The following SPAG16 variants were observed in gnomAD, a reference collection of about 807,000 sequenced individuals.
The protein encoded by SPAG16 is sperm-associated antigen 16 protein.
SPAG16 carries 86 observed loss-of-function variants against 80.4 expected under a neutral mutation model. The observed-to-expected ratio is 1.07, with a 90% confidence interval of 0.90 to 1.28. The LOEUF (loss-of-function observed/expected upper bound fraction) is 1.28. Ranked by LOEUF, SPAG16 falls within the 50% of genes most tolerant of loss-of-function variation. The pLI, the probability that SPAG16 is intolerant of heterozygous loss-of-function variation, is 0.00. For missense variants in SPAG16, 870 were observed against 765.3 expected (o/e 1.14, Z -1.61); for synonymous variants, 294 against 265.9 (o/e 1.11, Z -1.03).
intron 11 of SPAG16, among the ~76,000 whole-genome samples, chr2:213,889,712 C>A (rs2076711506): frequency 7.4e-6 from 1 of 135,176 alleles, no homozygotes; most frequent in African/African-American, 2.6e-5. Flanking sequence ...CATATATATA[C>A]ATATGCATAT....
At chr2:213,524,356 G>A (rs1019677532) in intron 10 of SPAG16, among the ~76,000 whole-genome samples, 2 of 152,208 alleles carry the variant, frequency 1.3e-5, no homozygotes, top group Admixed American at 6.5e-5. Context: ...GAGCCCTCAT[G>A]TAGAACCTCT....
chr2:213,939,919 T>G (rs2079130292), intron 12 of SPAG16, among the ~76,000 whole-genome samples: 2 of 152,148 alleles, frequency 1.3e-5, no homozygotes, highest in South Asian at 4.1e-4. Context: ...GCAGACAAAT[T>G]CAGAGGGATC....
chr2:213,768,347 T>A (rs534762944), intron 10 of SPAG16, among the ~76,000 whole-genome samples: 13 of 152,282 alleles, frequency 8.5e-5, no homozygotes, highest in African/African-American at 2.6e-4. Flanking sequence ...AATGAGCCTT[T>A]CTAACACCAG....
chr2:213,343,632 G>A (rs1464499120), intron 6 of SPAG16, among the ~76,000 whole-genome samples: 2 of 151,956 alleles, frequency 1.3e-5, no homozygotes, highest in African/African-American at 2.4e-5. Context: ...AGAAAATGGT[G>A]ACTGTAAGGA....
chr2:214,127,369 C>T (rs1028376119), intron 14 of SPAG16, among the ~76,000 whole-genome samples: 20 of 151,708 alleles, frequency 1.3e-4, no homozygotes, highest in Non-Finnish European at 2.5e-4. Context: ...TATGCAAAAA[C>T]TACTCCAACA....
At chr2:213,374,599 T>C (rs1032604353) in intron 8 of SPAG16, among the ~76,000 whole-genome samples, 1 of 151,694 alleles carries the variant, frequency 6.6e-6, no homozygotes, top group African/African-American at 2.4e-5. Flanking sequence ...TAGTGAAGCA[T>C]AGACAATAAT....
chr2:214,045,533 C>A (rs2049269271), intron 13 of SPAG16, among the ~76,000 whole-genome samples: 1 of 152,192 alleles, frequency 6.6e-6, no homozygotes, highest in Admixed American at 6.6e-5. Flanking sequence ...GGGACTTTGT[C>A]TTTCACCTTA....
At chr2:214,229,251 T>C (rs569183349) in intron 15 of SPAG16, among the ~76,000 whole-genome samples, 1 of 151,772 alleles carries the variant, frequency 6.6e-6, no homozygotes, top group South Asian at 2.1e-4. Flanking sequence ...CTTCTGGCTC[T>C]AAGATTAAAG....
chr2:213,925,467 T>C (rs2106225742), intron 11 of SPAG16, among the ~76,000 whole-genome samples: 1 of 152,138 alleles, frequency 6.6e-6, no homozygotes, highest in East Asian at 1.9e-4. Context: ...TTCTCCTGCC[T>C]CAGCCTTCCA....
At chr2:214,054,346 C>G (rs1429200108) in intron 13 of SPAG16, among the ~76,000 whole-genome samples, 2 of 152,164 alleles carry the variant, frequency 1.3e-5, no homozygotes, top group African/African-American at 2.4e-5. Flanking sequence ...AACCCTATAT[C>G]TCCTTATGGC....
chr2:213,610,771 A>T (rs975121048), intron 10 of SPAG16, among the ~76,000 whole-genome samples: 4 of 152,188 alleles, frequency 2.6e-5, no homozygotes, highest in Non-Finnish European at 4.4e-5. Context: ...TATATATAGG[A>T]TTAAAAAAAG....
chr2:213,518,327 G>A (rs2075524512), intron 10 of SPAG16, among the ~76,000 whole-genome samples: 1 of 152,186 alleles, frequency 6.6e-6, no homozygotes, highest in Non-Finnish European at 1.5e-5. Flanking sequence ...AGTGCAGGTA[G>A]CATGATCATC....
intron 9 of SPAG16, among the ~76,000 whole-genome samples, chr2:213,440,424 G>A (rs1026595995): frequency 1.1e-4 from 16 of 152,126 alleles, no homozygotes; most frequent in Admixed American, 5.2e-4. Context: ...GCGTGGCGGC[G>A]GGCGCCTGTA....
At chr2:214,042,201 C>T (rs1374379249) in intron 13 of SPAG16, among the ~76,000 whole-genome samples, 1 of 150,944 alleles carries the variant, frequency 6.6e-6, no homozygotes, top group Admixed American at 6.6e-5. Context: ...CCAAGTGATT[C>T]TCCTGCTTCA....
intron 10 of SPAG16, among the ~76,000 whole-genome samples, chr2:213,673,640 CATTTT>C: frequency 1.3e-5 from 2 of 152,306 alleles, no homozygotes; most frequent in Middle Eastern, 3.4e-3. Flanking sequence ...TATGTACACA[CATTTT>C]ATATTTGTAC....
At chr2:213,620,606 CA>C (rs1262508843) in intron 10 of SPAG16, among the ~76,000 whole-genome samples, 3 of 151,750 alleles carry the variant, frequency 2.0e-5, no homozygotes, top group Admixed American at 6.6e-5. Context: ...TGTGTATTTT[CA>C]AAAAGCTAGA....
At chr2:213,822,450 G>C (rs1441061786) in intron 10 of SPAG16, among the ~76,000 whole-genome samples, 4 of 152,072 alleles carry the variant, frequency 2.6e-5, no homozygotes, top group African/African-American at 9.7e-5. Flanking sequence ...CAGATACAGA[G>C]TTTGCAAATA....
chr2:214,046,655 C>T lies in SPAG16; in HGVS notation c.1527+32578C>T, dbSNP rs144780112. On this transcript the variant is annotated intron_variant, in intron 13 of 15. Transcript: ENST00000331683. ...ACATGACAAGGATGCCTACTTTCAC[C>T]GTTATTCAACATAGTGCTGGAAGTC... Among the ~76,000 whole-genome samples the T allele has an allele frequency of 2.9e-3, 444 of 152,114 alleles. 3 individuals are homozygous for T. The South Asian group carries it at 0.03, about 10-fold the overall frequency.
intron 15 of SPAG16, among the ~76,000 whole-genome samples, chr2:214,156,819 A>T (rs2056236308): frequency 6.6e-6 from 1 of 152,142 alleles, no homozygotes; most frequent in Non-Finnish European, 1.5e-5. Flanking sequence ...CAGACAAAAA[A>T]TAATTTAAAA....
Sources: gnomAD v4.1 joint callset for allele counts (sites outside exome capture counted in the v4.1 genomes callset) on GRCh38, gnomAD v4.1.1 for gene constraint, MANE v1.5 for transcripts, NCBI Gene and HGNC (gene_info 2026-07-23, HGNC 2026-07-21) for gene names.